DLC1: variants seen among roughly 807,000 people sequenced by gnomAD.
DLC1 encodes the protein DLC1 Rho GTPase activating protein.
In DLC1, 54 loss-of-function variants were observed where a neutral mutation model predicts 140.3. The ratio of observed to expected loss-of-function variants is 0.38; its 90% CI spans 0.31 to 0.48. The LOEUF is 0.48. Among genes scored for constraint, DLC1 ranks in the 20% least tolerant of loss-of-function variants. DLC1 has a pLI of 0.96. For synonymous variants in DLC1, 986 were observed against 728.1 expected, an observed-to-expected ratio of 1.35 and a Z score of -5.70; for missense variants, 2,536 against 1,907.0, an observed-to-expected ratio of 1.33 and a Z score of -6.14.
chr8:13,428,424 C>A (rs1382432093), intron 2 of DLC1, among the ~76,000 whole-genome samples: 2 of 152,050 alleles, frequency 1.3e-5, no homozygotes, highest in South Asian at 4.2e-4. Context: ...CGATTTTTAA[C>A]TTTTATAAGT....
intron 2 of DLC1, among the ~76,000 whole-genome samples, chr8:13,409,101 T>C (rs1837682629): frequency 6.6e-6 from 1 of 152,132 alleles, no homozygotes; most frequent in Non-Finnish European, 1.5e-5. Context: ...CCCACTGGCC[T>C]CCGAATGTCA....
chr8:13,086,511 C>G (rs746207401), intron 16 of DLC1, 48 bp from the exon 17 acceptor site: 2 of 1,596,542 alleles, frequency 1.3e-6, no homozygotes. Flanking sequence ...TCATAGAAGC[C>G]AAGTTTAAAA....
chr8:13,382,077 G>C (rs983198408), intron 4 of DLC1, among the ~76,000 whole-genome samples: 6 of 152,052 alleles, frequency 3.9e-5, no homozygotes, highest in African/African-American at 4.8e-5. Context: ...TTCTTATTTA[G>C]AGGAAAAAAT....
At chr8:13,473,572 T>C (rs1800308890) in intron 2 of DLC1, among the ~76,000 whole-genome samples, 1 of 152,134 alleles carries the variant, frequency 6.6e-6, no homozygotes, top group South Asian at 2.1e-4. Flanking sequence ...TTTGGAAGGC[T>C]CAGAAGAAGA....
intron 1 of DLC1, among the ~76,000 whole-genome samples, chr8:13,589,918 A>G (rs1305726513): frequency 6.6e-6 from 1 of 151,890 alleles, no homozygotes; most frequent in African/African-American, 2.4e-5. Context: ...ACTGCACCAA[A>G]TATGTTCACA....
chr8:13,125,379 A>G (rs919300746), intron 5 of DLC1, among the ~76,000 whole-genome samples: 1 of 152,236 alleles, frequency 6.6e-6, no homozygotes, highest in South Asian at 2.1e-4. Flanking sequence ...GTGCGTGTCT[A>G]TAGCCCTCTA....
At chr8:13,309,965 A>C (rs1319853569) in intron 4 of DLC1, among the ~76,000 whole-genome samples, 1 of 152,126 alleles carries the variant, frequency 6.6e-6, no homozygotes, top group Non-Finnish European at 1.5e-5. Flanking sequence ...AAATATTTCT[A>C]TTAATTTTCT....
chr8:13,246,655 A>C (rs954775309), intron 5 of DLC1, among the ~76,000 whole-genome samples: 1 of 151,970 alleles, frequency 6.6e-6, no homozygotes, highest in African/African-American at 2.4e-5. Flanking sequence ...AGTACGACAA[A>C]TGCTTTTTTT....
intron 5 of DLC1, chr8:13,116,356 CTG>C (rs1287221555): frequency 6.6e-6 from 3 of 455,574 alleles, no homozygotes; most frequent in African/African-American, 2.1e-5. Context: ...AACTGACACA[CTG>C]TGTTAAAACT....
At chr8:13,392,796 T>C (rs1422531093) in intron 4 of DLC1, among the ~76,000 whole-genome samples, 1 of 150,594 alleles carries the variant, frequency 6.6e-6, no homozygotes, top group Non-Finnish European at 1.5e-5. Context: ...ACCAAAGCAG[T>C]TTCCTCCTTT....
chr8:13,216,440 C>T (rs1351010271), intron 5 of DLC1, among the ~76,000 whole-genome samples: 2 of 152,104 alleles, frequency 1.3e-5, no homozygotes, highest in African/African-American at 4.8e-5. Context: ...TCATGACACA[C>T]TCTACTCCAA....
intron 2 of DLC1, among the ~76,000 whole-genome samples, chr8:13,478,517 C>A (rs562999006): frequency 6.6e-6 from 1 of 152,308 alleles, no homozygotes; most frequent in African/African-American, 2.4e-5. Flanking sequence ...TCTAGCCCTT[C>A]TGTTCAAAGA....
chr8:13,395,325 G>A lies in DLC1; in HGVS notation c.1174-1632C>T, dbSNP rs1836988420. 2.6e-5 allele frequency among the ~76,000 whole-genome samples: 4 copies of A among 152,140 alleles called. No homozygotes were observed. In the South Asian group the frequency reaches 8.3e-4, roughly 32 times the overall value. ...TTTAGTAGAGACGGGGTTTCACTATGTTGGCCAGACTGGTCTCGAACTCCT... is the reference window on the plus strand; with the variant it reads ...TTTAGTAGAGACGGGGTTTCACTATATTGGCCAGACTGGTCTCGAACTCCT... On this transcript the variant is annotated intron_variant, in intron 3 of 17. Coordinates refer to ENST00000276297, the MANE Select transcript of DLC1 (RefSeq NM_182643.3).
chr8:13,154,673 G>A (rs1348481895), intron 5 of DLC1, among the ~76,000 whole-genome samples: 1 of 152,226 alleles, frequency 6.6e-6, no homozygotes, highest in Non-Finnish European at 1.5e-5. Flanking sequence ...TGAAGGGCTG[G>A]TCAAGCGGGG....
chr8:13,498,691 T>G (rs1801625834), intron 2 of DLC1, among the ~76,000 whole-genome samples: 1 of 152,208 alleles, frequency 6.6e-6, no homozygotes, highest in African/African-American at 2.4e-5. Flanking sequence ...ACCATGACTT[T>G]CTTTATAAGA....
intron 3 of DLC1, among the ~76,000 whole-genome samples, chr8:13,397,409 GA>G (rs1169450756): frequency 1.3e-5 from 2 of 152,180 alleles, no homozygotes; most frequent in African/African-American, 2.4e-5. Flanking sequence ...GGAGAGCAGT[GA>G]AAGTCAAGGA....
chr8:13,426,653 TTAG>T (rs1195174773), intron 2 of DLC1, among the ~76,000 whole-genome samples: 5 of 152,160 alleles, frequency 3.3e-5, no homozygotes, highest in Non-Finnish European at 7.3e-5. Flanking sequence ...CAATTGAGAC[TTAG>T]TAGGGGCAAC....
At chr8:13,393,443 T>C in intron 4 of DLC1, 110 bp downstream of exon 4, 1 of 1,238,548 alleles carries the variant, frequency 8.1e-7, no homozygotes, top group South Asian at 1.7e-5. Context: ...ATTAAGTCAC[T>C]ATGGCTAAGA....
chr8:13,178,651 G>GTT lies in DLC1; in HGVS notation c.1349-62996_1349-62995dup, dbSNP rs35235319. Among the ~76,000 whole-genome samples the GTT allele has an allele frequency of 6.3e-3, 913 of 145,192 alleles. 12 individuals are homozygous for GTT. The highest frequency in any genetic ancestry group is 0.019 in the African/African-American group (754 of 39,822). On this transcript the variant is annotated intron_variant, in intron 5 of 17. Transcript: ENST00000276297. ...GACACCATTAAGAGAGTGGAAGAAG[G>GTT]TTTTTTTTTTTGCAAAACATATAAT... is the stretch of plus-strand genomic sequence containing the variant.
Sources: gnomAD v4.1 joint callset for allele counts (sites outside exome capture counted in the v4.1 genomes callset) on GRCh38, gnomAD v4.1.1 for gene constraint, MANE v1.5 for transcripts, NCBI Gene and HGNC (gene_info 2026-07-23, HGNC 2026-07-21) for gene names.